The following ZNF804B variants were observed in gnomAD, a reference collection of about 807,000 sequenced individuals.
ZNF804B encodes zinc finger protein 804B, also known as zinc finger 804B.
A neutral mutation model predicts 101.4 loss-of-function variants in ZNF804B; 80 were observed. That is an observed-to-expected ratio of 0.79 (90% confidence interval 0.66 to 0.95). The LOEUF is 0.95. Among genes scored for constraint, ZNF804B ranks in the 40% least tolerant of loss-of-function variants. The probability of loss-of-function intolerance (pLI) is 0.00; values close to 1 mark genes in which losing one functional copy is unlikely to be tolerated. For missense variants in ZNF804B, 1,673 were observed against 1,561.9 expected (o/e 1.07, Z -1.20); for synonymous variants, 622 against 558.8 (o/e 1.11, Z -1.59).
chr7:88,949,086 GTTCTA>G (rs1326303338), intron 1 of ZNF804B, among the ~76,000 whole-genome samples: 1 of 150,816 alleles, frequency 6.6e-6, no homozygotes, highest in Non-Finnish European at 1.5e-5. Flanking sequence ...TTTTTGGATT[GTTCTA>G]TTCTGTTCTG....
chr7:89,220,016 T>C (rs139862218), intron 2 of ZNF804B, among the ~76,000 whole-genome samples: 5,306 of 137,116 alleles, frequency 0.039, 2,159 homozygotes, highest in African/African-American at 0.15. Context: ...CATATATGTG[T>C]GTATACATAT....
At chr7:89,271,498 T>A (rs1789894185) in intron 2 of ZNF804B, among the ~76,000 whole-genome samples, 1 of 152,316 alleles carries the variant, frequency 6.6e-6, no homozygotes, top group Admixed American at 6.5e-5. Flanking sequence ...TTTGCATCGA[T>A]GTTCATCAGG....
intron 1 of ZNF804B, among the ~76,000 whole-genome samples, chr7:88,882,633 C>G (rs572519828): frequency 6.6e-6 from 1 of 152,106 alleles, no homozygotes; most frequent in Non-Finnish European, 1.5e-5. Flanking sequence ...AGGTGCCCAT[C>G]AGTGGTTGAC....
At chr7:88,945,887 G>T (rs940801651) in intron 1 of ZNF804B, among the ~76,000 whole-genome samples, 3 of 151,978 alleles carry the variant, frequency 2.0e-5, no homozygotes, top group African/African-American at 4.8e-5. Flanking sequence ...TTGGCTCTCC[G>T]TTTGTCTATT....
intron 2 of ZNF804B, among the ~76,000 whole-genome samples, chr7:89,321,297 G>A (rs1674176876): frequency 6.6e-6 from 1 of 152,076 alleles, no homozygotes; most frequent in South Asian, 2.1e-4. Context: ...TGGCTAACAA[G>A]ATGAAACCCC....
intron 1 of ZNF804B, among the ~76,000 whole-genome samples, chr7:88,782,600 A>G (rs1370022985): frequency 6.6e-6 from 1 of 152,152 alleles, no homozygotes; most frequent in Non-Finnish European, 1.5e-5. Context: ...CCTTCATCAA[A>G]GAGATATTTT....
At chr7:88,929,356 A>G (rs1243526910) in intron 1 of ZNF804B, among the ~76,000 whole-genome samples, 2 of 149,830 alleles carry the variant, frequency 1.3e-5, no homozygotes, top group South Asian at 2.1e-4. Context: ...AAAAAAAAAA[A>G]TTAGCTCATG....
chr7:89,083,916 T>TAAC (rs1443344273), intron 1 of ZNF804B, among the ~76,000 whole-genome samples: 1 of 151,938 alleles, frequency 6.6e-6, no homozygotes, highest in East Asian at 1.9e-4. Context: ...GGAGTCAATA[T>TAAC]AACACTGTGA....
chr7:88,966,006 GTTATC>G (rs778298229), intron 1 of ZNF804B, among the ~76,000 whole-genome samples: 1 of 151,374 alleles, frequency 6.6e-6, no homozygotes, highest in East Asian at 2.0e-4. Context: ...TAATATATGT[GTTATC>G]TTAAGTGGGA....
chr7:88,828,412 C>T (rs1460311262), intron 1 of ZNF804B, among the ~76,000 whole-genome samples: 1 of 151,952 alleles, frequency 6.6e-6, no homozygotes, highest in African/African-American at 2.4e-5. Context: ...GTGGAAGAGT[C>T]CTTGACATGT....
At chr7:89,328,395 C>T (rs1049448225) in intron 3 of ZNF804B, among the ~76,000 whole-genome samples, 1 of 151,690 alleles carries the variant, frequency 6.6e-6, no homozygotes, top group East Asian at 1.9e-4. Flanking sequence ...TATGAAAATA[C>T]ATAAAAGATA....
chr7:89,144,119 A>G (rs1790755217), intron 1 of ZNF804B, among the ~76,000 whole-genome samples: 2 of 152,048 alleles, frequency 1.3e-5, no homozygotes, highest in Admixed American at 6.6e-5. Context: ...AATTCTCCAA[A>G]AGCAGAGAAT....
At chr7:88,952,707 A>G (rs932642923) in intron 1 of ZNF804B, among the ~76,000 whole-genome samples, 7 of 151,788 alleles carry the variant, frequency 4.6e-5, no homozygotes, top group African/African-American at 1.2e-4. Context: ...TCCAAACAAA[A>G]GACACCGTAA....
intron 1 of ZNF804B, among the ~76,000 whole-genome samples, chr7:88,918,499 T>C (rs1792669739): frequency 6.6e-6 from 1 of 152,172 alleles, no homozygotes; most frequent in Non-Finnish European, 1.5e-5. Context: ...AATTTAACTT[T>C]AATTTTAAAC....
At chr7:88,932,708 A>G (rs1469422352) in intron 1 of ZNF804B, among the ~76,000 whole-genome samples, 1 of 151,826 alleles carries the variant, frequency 6.6e-6, no homozygotes, top group Non-Finnish European at 1.5e-5. Flanking sequence ...AGAACTAGAG[A>G]CACTAAGCAG....
At chr7:89,005,895 C>G (rs867752559) in intron 1 of ZNF804B, among the ~76,000 whole-genome samples, 2 of 151,954 alleles carry the variant, frequency 1.3e-5, no homozygotes, top group Middle Eastern at 3.2e-3. Context: ...ACATAAGTGG[C>G]AGTTCTCTAC....
At chr7:88,973,798 A>G (rs931656251) in intron 1 of ZNF804B, among the ~76,000 whole-genome samples, 2 of 151,444 alleles carry the variant, frequency 1.3e-5, no homozygotes, top group African/African-American at 2.4e-5. Context: ...AGGAAAAGAA[A>G]CAGGAATATA....
intron 1 of ZNF804B, among the ~76,000 whole-genome samples, chr7:89,051,910 C>T (rs1789211554): frequency 6.6e-6 from 1 of 152,080 alleles, no homozygotes; most frequent in Non-Finnish European, 1.5e-5. Flanking sequence ...ATACCAAGAC[C>T]TCCCTCACTG....
Position 89,334,745 on chromosome 7 carries a change from T to A in ZNF804B, c.1763T>A (p.Leu588Gln), listed in dbSNP as rs1432238929. The A allele has an allele frequency of 1.9e-6, 3 of 1,613,656 alleles. No homozygotes were observed. The highest frequency in any genetic ancestry group is 1.6e-4 in the Middle Eastern group (1 of 6,080). The stretch of plus-strand genomic sequence containing the variant: ...GTGCCTCTTTACCTCAACACATCTC[T>A]AAAGGATTGTGCTGGAAAGAATAAT... ...PKVPLYLNTS[L>Q]KDCAGKNNSS... Residue 588 changes from leucine to glutamine, a missense_variant, in exon 4 of 4, where the codon CTA becomes CAA. Transcript: ENST00000333190.
Sources: allele counts gnomAD v4.1 joint callset (sites outside exome capture counted in the v4.1 genomes callset), GRCh38; gene constraint gnomAD v4.1.1; transcripts MANE v1.5; gene names NCBI Gene and HGNC (gene_info 2026-07-23, HGNC 2026-07-21).